Variants in SKAP1 observed in about 807,000 individuals in gnomAD.
SKAP1 encodes src kinase associated phosphoprotein 1.
A neutral mutation model predicts 58.5 loss-of-function variants in SKAP1; 44 were observed. That is an observed-to-expected ratio of 0.75 (90% confidence interval 0.59 to 0.97). The LOEUF is 0.97. SKAP1 is among the 50% of genes least tolerant of loss of function. SKAP1 has a pLI of 0.00. For missense variants in SKAP1, 390 were observed against 435.2 expected (o/e 0.90, Z 0.92); for synonymous variants, 127 against 149.7 (o/e 0.85, Z 1.11).
chr17:48,271,883 T>C (rs897208659), intron 4 of SKAP1, among the ~76,000 whole-genome samples: 12 of 152,206 alleles, frequency 7.9e-5, no homozygotes, highest in African/African-American at 2.9e-4. Flanking sequence ...TTGCTTTTTA[T>C]CTATTGCTAC....
chr17:48,291,746 G>C (rs764591700), intron 4 of SKAP1, among the ~76,000 whole-genome samples: 3 of 152,010 alleles, frequency 2.0e-5, no homozygotes, highest in Non-Finnish European at 4.4e-5. Flanking sequence ...ATTTAACCTG[G>C]GTAATGCGCT....
chr17:48,261,477 G>A lies in SKAP1; in HGVS notation c.281-71977C>T, dbSNP rs532260611. Among the ~76,000 whole-genome samples the A allele has an allele frequency of 2.0e-5, 3 of 152,272 alleles. No homozygotes were observed. In the East Asian group the frequency reaches 5.8e-4, roughly 29 times the overall value. Reference sequence around the variant, plus strand: ...TGAACTGGCATCCTGGAAGCAGTAGGGGGCGTTTTACGCTGAGGATGCTAT... The same window carrying A: ...TGAACTGGCATCCTGGAAGCAGTAGAGGGCGTTTTACGCTGAGGATGCTAT... On this transcript the variant is annotated intron_variant, in intron 4 of 12. Transcript: ENST00000336915.
At chr17:48,408,242 G>A (rs530140968) in intron 1 of SKAP1, among the ~76,000 whole-genome samples, 1 of 152,182 alleles carries the variant, frequency 6.6e-6, no homozygotes, top group Admixed American at 6.5e-5. Context: ...ATGAAAAGTT[G>A]CTGAGAAAAA....
intron 3 of SKAP1, among the ~76,000 whole-genome samples, chr17:48,356,735 T>C (rs998661916): frequency 1.3e-5 from 2 of 152,230 alleles, no homozygotes; most frequent in Non-Finnish European, 2.9e-5. Flanking sequence ...CATTAAAAAA[T>C]AATACATGCA....
At chr17:48,336,117 A>AT (rs1297254318) in intron 4 of SKAP1, among the ~76,000 whole-genome samples, 1 of 152,176 alleles carries the variant, frequency 6.6e-6, no homozygotes, top group African/African-American at 2.4e-5. Flanking sequence ...TTCAAGGTCT[A>AT]TAAAACCCTC....
chr17:48,383,537 T>A (rs926092020), intron 2 of SKAP1, among the ~76,000 whole-genome samples: 2 of 152,136 alleles, frequency 1.3e-5, no homozygotes, highest in Admixed American at 6.5e-5. Context: ...TTTTCATGTG[T>A]ATGTATTTAA....
intron 3 of SKAP1, among the ~76,000 whole-genome samples, chr17:48,358,261 CAA>C (rs1364158224): frequency 7.2e-5 from 11 of 152,152 alleles, no homozygotes; most frequent in Non-Finnish European, 1.6e-4. Context: ...GGCATGAATG[CAA>C]AGAGTATTTT....
intron 4 of SKAP1, among the ~76,000 whole-genome samples, chr17:48,329,576 A>T (rs1439010860): frequency 2.6e-5 from 4 of 152,172 alleles, no homozygotes; most frequent in Non-Finnish European, 4.4e-5. Flanking sequence ...GCGTGGCGGC[A>T]GGCGCCTGTA....
intron 4 of SKAP1, among the ~76,000 whole-genome samples, chr17:48,333,388 C>T (rs917757606): frequency 7.2e-5 from 11 of 152,098 alleles, no homozygotes; most frequent in African/African-American, 2.7e-4. Flanking sequence ...ATTTATGTGC[C>T]TTCACAAGTT....
chr17:48,290,646 G>GC (rs67116967), intron 4 of SKAP1, among the ~76,000 whole-genome samples: 50,044 of 151,766 alleles, frequency 0.33, 8,968 homozygotes, highest in African/African-American at 0.47. Flanking sequence ...TTCATTTATT[G>GC]CCCCCTGAGG....
intron 2 of SKAP1, among the ~76,000 whole-genome samples, chr17:48,369,490 CAA>C (rs11369011): frequency 4.4e-5 from 6 of 137,292 alleles, no homozygotes; most frequent in Admixed American, 7.4e-5. Flanking sequence ...GACCCTCTCT[CAA>C]AAAAAAAAAA....
At position 48,394,229 on chromosome 17, in the gene SKAP1, C is replaced by T. The variant is rs553891817; in HGVS notation, c.152+2451G>A. 1.4e-3 allele frequency among the ~76,000 whole-genome samples: 219 copies of T among 151,770 alleles called. 2 individuals are homozygous for T. The South Asian group carries it at 0.031, about 21-fold the overall frequency. On this transcript the variant is annotated intron_variant, in intron 2 of 12. Coordinates refer to ENST00000336915, the MANE Select transcript of SKAP1 (RefSeq NM_003726.4). Reference sequence around the variant, plus strand: ...CAGAGTGAGACTCTGTCTAAAAAAGCGAAAAACAAACAAACAAAAAAATGA... The same window carrying T: ...CAGAGTGAGACTCTGTCTAAAAAAGTGAAAAACAAACAAACAAAAAAATGA...
At chr17:48,165,515 C>T (rs1448036716) in intron 10 of SKAP1, among the ~76,000 whole-genome samples, 1 of 151,848 alleles carries the variant, frequency 6.6e-6, no homozygotes, top group Non-Finnish European at 1.5e-5. Context: ...ATTCTCCTGC[C>T]TCAGCCTCCC....
In SKAP1 at chr17:48,237,511, A is replaced by G. The variant is rs552876197; in HGVS notation, c.281-48011T>C. Reference sequence around the variant, plus strand: ...TTGTGTAAGCCATGGTACAGCATTTAAATTTATGCTACAAGCAATGAGAGG... The same window carrying G: ...TTGTGTAAGCCATGGTACAGCATTTGAATTTATGCTACAAGCAATGAGAGG... On this transcript the variant is annotated intron_variant, in intron 4 of 12. Transcript: ENST00000336915. Among the ~76,000 whole-genome samples, 11 of 152,344 alleles carry G rather than the reference A, an allele frequency of 7.2e-5. No individual in the cohort carries two copies. In the South Asian group the frequency reaches 2.3e-3, roughly 32 times the overall value.
chr17:48,162,901 C>T (rs2021752), intron 10 of SKAP1, among the ~76,000 whole-genome samples: 84,969 of 152,086 alleles, frequency 0.56, 24,731 homozygotes, highest in East Asian at 0.77. Context: ...TCCCGCCAGA[C>T]TTTCCTGATC....
chr17:48,253,217 G>T (rs964492533), intron 4 of SKAP1, among the ~76,000 whole-genome samples: 1 of 152,134 alleles, frequency 6.6e-6, no homozygotes, highest in African/African-American at 2.4e-5. Context: ...AGGATGAAAT[G>T]GTTTCTACGA....
chr17:48,136,761 G>T (rs1268976361), intron 12 of SKAP1, among the ~76,000 whole-genome samples: 2 of 143,818 alleles, frequency 1.4e-5, no homozygotes, highest in African/African-American at 5.2e-5. Flanking sequence ...TGCAACCTCC[G>T]CTTCCCGGGT....
chr17:48,236,713 G>C (rs576959350), intron 4 of SKAP1, among the ~76,000 whole-genome samples: 1 of 152,322 alleles, frequency 6.6e-6, no homozygotes, highest in Admixed American at 6.5e-5. Flanking sequence ...AGACTTACAA[G>C]TAAGAAACAG....
chr17:48,220,210 G>C (rs962198517), intron 4 of SKAP1, among the ~76,000 whole-genome samples: 2 of 152,158 alleles, frequency 1.3e-5, no homozygotes, highest in African/African-American at 4.8e-5. Flanking sequence ...ATACCAAACA[G>C]AAATGCCAAC....
Sources: allele counts gnomAD v4.1 joint callset (sites outside exome capture counted in the v4.1 genomes callset), GRCh38; gene constraint gnomAD v4.1.1; transcripts MANE v1.5; gene names NCBI Gene and HGNC (gene_info 2026-07-23, HGNC 2026-07-21).